TTC6: variants seen among roughly 807,000 people sequenced by gnomAD.
The protein encoded by TTC6 is tetratricopeptide repeat domain 6, also known as tetratricopeptide repeat protein 6.
A neutral mutation model predicts 210.4 loss-of-function variants in TTC6; 172 were observed. The ratio of observed to expected loss-of-function variants is 0.82; its 90% CI spans 0.72 to 0.93. TTC6 has a LOEUF of 0.93. Among genes scored for constraint, TTC6 ranks in the 40% least tolerant of loss-of-function variants. TTC6 has a pLI of 0.00. For missense variants in TTC6, 2,414 were observed against 2,318.1 expected (o/e 1.04, Z -0.85); for synonymous variants, 804 against 819.6 (o/e 0.98, Z 0.32).
chr14:37,833,264 A>G (rs1379542690), intron 29 of TTC6, among the ~76,000 whole-genome samples: 1 of 152,146 alleles, frequency 6.6e-6, no homozygotes, highest in Non-Finnish European at 1.5e-5. Flanking sequence ...CTCTTTACCT[A>G]TAATAATTGC....
At chr14:37,618,876 C>T (rs1566842087), upstream of TTC6, among the ~76,000 whole-genome samples, 1 of 152,130 alleles carries the variant, frequency 6.6e-6, no homozygotes, top group African/African-American at 2.4e-5. Flanking sequence ...AGTGGGAAAG[C>T]AGGAACTAAG....
At chr14:37,837,928 C>T (rs891616757) in intron 29 of TTC6, among the ~76,000 whole-genome samples, 1 of 152,046 alleles carries the variant, frequency 6.6e-6, no homozygotes, top group African/African-American at 2.4e-5. Flanking sequence ...AAGGAGAGAC[C>T]AAATGTGTCC....
intron 14 of TTC6, among the ~76,000 whole-genome samples, chr14:37,776,291 T>C (rs1206443044): frequency 2.0e-5 from 3 of 152,188 alleles, no homozygotes; most frequent in Non-Finnish European, 2.9e-5. Context: ...TGCCTTTTCA[T>C]TGGGGCATTT....
intron 1 of TTC6, among the ~76,000 whole-genome samples, chr14:37,604,896 C>A (rs2095622199): frequency 6.6e-6 from 1 of 152,078 alleles, no homozygotes; most frequent in African/African-American, 2.4e-5. Context: ...TCCTGAAAAC[C>A]CAAGATGTCA....
chr14:37,703,926 A>G (rs2095830395), intron 5 of TTC6, among the ~76,000 whole-genome samples: 1 of 152,198 alleles, frequency 6.6e-6, no homozygotes, highest in African/African-American at 2.4e-5. Context: ...GATTAAAGGT[A>G]TTTAAAGACT....
At chr14:37,653,433 T>C (rs547532954) in intron 1 of TTC6, among the ~76,000 whole-genome samples, 1 of 152,326 alleles carries the variant, frequency 6.6e-6, no homozygotes, top group Non-Finnish European at 1.5e-5. Context: ...CTGGACTGAT[T>C]GTCTTATTTT....
chr14:37,788,465 TCC>T (rs747598956), intron 15 of TTC6, among the ~76,000 whole-genome samples: 5 of 152,148 alleles, frequency 3.3e-5, no homozygotes, highest in African/African-American at 4.8e-5. Flanking sequence ...TTGTCTTAAG[TCC>T]ATTTGCCTTC....
intron 1 of TTC6, among the ~76,000 whole-genome samples, chr14:37,670,495 T>TTTTTTTTTC (rs2095756192): frequency 6.7e-6 from 1 of 148,320 alleles, no homozygotes; most frequent in Non-Finnish European, 1.5e-5. Context: ...TTTTTTTTTT[T>TTTTTTTTTC]AGTCTCCCTC....
At chr14:37,609,458 G>A (rs527389613) in intron 2 of TTC6, among the ~76,000 whole-genome samples, 2 of 152,154 alleles carry the variant, frequency 1.3e-5, no homozygotes, top group South Asian at 4.1e-4. Flanking sequence ...CTAGAACAGA[G>A]GTTCCTAGCA....
At chr14:37,745,616 C>T (rs1014597348) in intron 10 of TTC6, among the ~76,000 whole-genome samples, 5 of 152,082 alleles carry the variant, frequency 3.3e-5, no homozygotes, top group Non-Finnish European at 7.4e-5. Context: ...CTTACTAGGT[C>T]CACTGTTAAA....
At chr14:37,666,964 A>G (rs2095749377) in intron 1 of TTC6, among the ~76,000 whole-genome samples, 1 of 150,342 alleles carries the variant, frequency 6.7e-6, no homozygotes, top group Non-Finnish European at 1.5e-5. Context: ...TGATTTTATT[A>G]TTATATGTTC....
chr14:37,698,076 A>C (rs2138661593), intron 4 of TTC6, among the ~76,000 whole-genome samples: 1 of 152,320 alleles, frequency 6.6e-6, no homozygotes, highest in East Asian at 1.9e-4. Context: ...AACAAAAATT[A>C]GAAATTTTCA....
intron 29 of TTC6, among the ~76,000 whole-genome samples, chr14:37,837,868 C>T (rs149024082): frequency 1.4e-4 from 21 of 152,128 alleles, no homozygotes; most frequent in African/African-American, 3.9e-4. Flanking sequence ...GACAGATCTT[C>T]GGGAAACATA....
intron 14 of TTC6, among the ~76,000 whole-genome samples, chr14:37,759,389 T>A (rs1309907959): frequency 6.6e-6 from 1 of 152,246 alleles, no homozygotes; most frequent in African/African-American, 2.4e-5. Flanking sequence ...TCTGATGGGC[T>A]TCCCTTTGTG....
chr14:37,732,100 T>G (rs886353132), intron 7 of TTC6, among the ~76,000 whole-genome samples: 7 of 152,028 alleles, frequency 4.6e-5, no homozygotes, highest in African/African-American at 1.7e-4. Context: ...AATAGCTTAT[T>G]GTTGACTGGA....
intron 29 of TTC6, among the ~76,000 whole-genome samples, chr14:37,828,597 C>T (rs566803003): frequency 2.0e-4 from 30 of 152,104 alleles, no homozygotes; most frequent in Non-Finnish European, 4.0e-4. Flanking sequence ...GATTTTCCAC[C>T]TGTAATTTCT....
chr14:37,689,288 A>G (rs2095799312), intron 3 of TTC6, among the ~76,000 whole-genome samples: 1 of 152,122 alleles, frequency 6.6e-6, no homozygotes, highest in South Asian at 2.1e-4. Context: ...AGAAAAAAGA[A>G]TAAAACACAA....
intron 14 of TTC6, among the ~76,000 whole-genome samples, chr14:37,778,088 C>T (rs574355531): frequency 2.0e-5 from 3 of 152,248 alleles, no homozygotes; most frequent in Non-Finnish European, 2.9e-5. Context: ...ATCTGTGCTC[C>T]CTTTGCACAT....
At chr14:37,796,944 C>T in exon 20 of TTC6, 2 of 1,593,514 alleles carry the variant, frequency 1.3e-6, no homozygotes, top group Non-Finnish European at 1.7e-6. Flanking sequence ...CCAAGAGAAC[C>T]AAGGTGAAAA....
Sources: gnomAD v4.1 joint callset for allele counts (sites outside exome capture counted in the v4.1 genomes callset) on GRCh38, gnomAD v4.1.1 for gene constraint, MANE v1.5 for transcripts, NCBI Gene and HGNC (gene_info 2026-07-23, HGNC 2026-07-21) for gene names.